The following CHST9 variants were observed in gnomAD, a reference collection of about 807,000 sequenced individuals.
CHST9 encodes the protein carbohydrate sulfotransferase 9.
Under a neutral mutation model 44.4 loss-of-function variants are expected in CHST9, and 41 were observed. That is an observed-to-expected ratio of 0.92 (90% CI 0.72 to 1.20). The LOEUF (loss-of-function observed/expected upper bound fraction) is 1.20. Ranked by LOEUF, CHST9 falls within the 50% of genes most tolerant of loss-of-function variation. CHST9 has a pLI of 0.00. For missense variants in CHST9, 504 were observed against 516.5 expected (o/e 0.98, Z 0.23); for synonymous variants, 171 against 178.4 (o/e 0.96, Z 0.33).
intron 4 of CHST9, among the ~76,000 whole-genome samples, chr18:26,951,667 T>C (rs943426925): frequency 6.6e-6 from 1 of 152,202 alleles, no homozygotes; most frequent in Non-Finnish European, 1.5e-5. Flanking sequence ...CATAAAAAGT[T>C]ACAATTAAAT....
chr18:27,096,396 A>T lies in CHST9; in HGVS notation c.121+46293T>A, dbSNP rs187076902. On this transcript the variant is annotated intron_variant, in intron 2 of 5. Transcript: ENST00000618847. ...ACTAGAAAACAACAGGAACACACTAATCCCAAAGATAGCAGAAAAAAAGAA... is the reference window on the plus strand; with the variant it reads ...ACTAGAAAACAACAGGAACACACTATTCCCAAAGATAGCAGAAAAAAAGAA... Among the ~76,000 whole-genome samples the T allele has an allele frequency of 4.4e-3, 667 of 152,094 alleles. 6 individuals are homozygous for T. The highest frequency in any genetic ancestry group is 0.015 in the African/African-American group (642 of 41,536).
intron 2 of CHST9, among the ~76,000 whole-genome samples, chr18:27,057,178 G>C (rs2057666301): frequency 6.6e-6 from 1 of 152,182 alleles, no homozygotes; most frequent in Admixed American, 6.5e-5. Context: ...CTTGGCTCTT[G>C]CAAGATTCAA....
rs149892671 is a variant in CHST9, at chr18:27,055,807, C to G, written c.122-7304G>C. On this transcript the variant is annotated intron_variant, in intron 2 of 5. Coordinates refer to ENST00000618847, the MANE Select transcript of CHST9 (RefSeq NM_031422.6). The stretch of plus-strand genomic sequence containing the variant: ...AAATAGCATGATATAACAAAAGGAA[C>G]ACGGATTTGGAGTTCGATGGACTAA... Among the ~76,000 whole-genome samples the G allele has an allele frequency of 4.6e-5, 7 of 152,202 alleles. No individual in the cohort carries two copies. In the East Asian group the frequency reaches 1.4e-3, roughly 29 times the overall value.
chr18:27,002,750 T>C (rs183957302), intron 4 of CHST9, among the ~76,000 whole-genome samples: 95 of 152,320 alleles, frequency 6.2e-4, no homozygotes, highest in African/African-American at 2.1e-3. Flanking sequence ...GGAGCATCTG[T>C]GGATTACAGT....
intron 2 of CHST9, among the ~76,000 whole-genome samples, chr18:27,116,227 T>A (rs544048623): frequency 6.6e-6 from 1 of 152,332 alleles, no homozygotes; most frequent in African/African-American, 2.4e-5. Flanking sequence ...TTTATGATTA[T>A]GTTTTCTCCT....
chr18:27,124,022 G>T (rs1460716909), intron 2 of CHST9, among the ~76,000 whole-genome samples: 1 of 152,174 alleles, frequency 6.6e-6, no homozygotes, highest in Non-Finnish European at 1.5e-5. Context: ...TGACAGAAAG[G>T]AAAGGCAACA....
intron 2 of CHST9, among the ~76,000 whole-genome samples, chr18:27,105,264 T>C (rs2058211046): frequency 6.6e-6 from 1 of 152,172 alleles, no homozygotes; most frequent in African/African-American, 2.4e-5. Context: ...GTTCAAATCT[T>C]TTTCCTCTTC....
chr18:27,161,413 G>C (rs1346309869), intron 1 of CHST9, among the ~76,000 whole-genome samples: 1 of 152,130 alleles, frequency 6.6e-6, no homozygotes, highest in Non-Finnish European at 1.5e-5. Context: ...CCATGTAGTT[G>C]AGCAGTTTTG....
At chr18:27,005,361 T>G (rs1263158216) in intron 4 of CHST9, among the ~76,000 whole-genome samples, 1 of 152,190 alleles carries the variant, frequency 6.6e-6, no homozygotes, top group East Asian at 1.9e-4. Context: ...GAGGCCAACC[T>G]TGGGTCTTTT....
intron 5 of CHST9, among the ~76,000 whole-genome samples, chr18:26,932,377 T>A (rs539793540): frequency 6.6e-6 from 1 of 152,352 alleles, no homozygotes; most frequent in African/African-American, 2.4e-5. Flanking sequence ...CACACTACTG[T>A]TAGAAACACA....
intron 2 of CHST9, among the ~76,000 whole-genome samples, chr18:27,091,410 C>CT (rs2058067613): frequency 6.6e-6 from 1 of 152,124 alleles, no homozygotes; most frequent in South Asian, 2.1e-4. Context: ...ATTTGACTTC[C>CT]CGATTTCCTA....
chr18:27,125,650 T>C (rs2058414213), intron 2 of CHST9, among the ~76,000 whole-genome samples: 1 of 152,158 alleles, frequency 6.6e-6, no homozygotes. Flanking sequence ...CACCCACATA[T>C]CAGTTAAATG....
At chr18:27,142,643 G>C in intron 2 of CHST9, 46 bp downstream of exon 2, 1 of 1,341,384 alleles carries the variant, frequency 7.5e-7, no homozygotes, top group Non-Finnish European at 1.0e-6. Context: ...TTTAAAAATA[G>C]CTATTATTGT....
At chr18:27,146,028 A>G (rs1206417168) in intron 1 of CHST9, among the ~76,000 whole-genome samples, 2 of 152,242 alleles carry the variant, frequency 1.3e-5, no homozygotes, top group East Asian at 3.9e-4. Context: ...ATCTGTCTAC[A>G]TAATTAAAAC....
At chr18:27,074,286 C>A in intron 2 of CHST9, among the ~76,000 whole-genome samples, 1 of 152,132 alleles carries the variant, frequency 6.6e-6, no homozygotes, top group East Asian at 1.9e-4. Flanking sequence ...ATTTTCTTTT[C>A]TTCTTTATTA....
intron 4 of CHST9, among the ~76,000 whole-genome samples, chr18:26,952,859 G>T (rs2056269847): frequency 6.6e-6 from 1 of 152,156 alleles, no homozygotes; most frequent in Non-Finnish European, 1.5e-5. Flanking sequence ...AAGATAAACT[G>T]CAGTGCCTCC....
intron 5 of CHST9, among the ~76,000 whole-genome samples, chr18:26,933,966 C>A (rs1332867002): frequency 6.6e-6 from 1 of 152,062 alleles, no homozygotes; most frequent in African/African-American, 2.4e-5. Context: ...AACAAGGAAC[C>A]CAAGGGCTGG....
At chr18:26,920,831 G>C (rs1005804479) in intron 5 of CHST9, among the ~76,000 whole-genome samples, 1 of 152,194 alleles carries the variant, frequency 6.6e-6, no homozygotes, top group African/African-American at 2.4e-5. Flanking sequence ...TCTGCTTGCA[G>C]TAAAGTAGAT....
intron 3 of CHST9, among the ~76,000 whole-genome samples, chr18:27,038,228 C>CATTT (rs1259280264): frequency 2.9e-4 from 44 of 152,058 alleles, no homozygotes; most frequent in African/African-American, 1.1e-3. Flanking sequence ...ATATTTTGTA[C>CATTT]ATTTGCATTG....
Sources: allele counts gnomAD v4.1 joint callset (sites outside exome capture counted in the v4.1 genomes callset), GRCh38; gene constraint gnomAD v4.1.1; transcripts MANE v1.5; gene names NCBI Gene and HGNC (gene_info 2026-07-23, HGNC 2026-07-21).